Variants in CLASP1 observed in about 807,000 individuals in gnomAD.
CLASP1 encodes the protein CLIP-associating protein 1.
Under a neutral mutation model 192.3 loss-of-function variants are expected in CLASP1, and 38 were observed. That is an observed-to-expected ratio of 0.20 (90% CI 0.15 to 0.26). The LOEUF is 0.26. Among genes scored for constraint, CLASP1 ranks in the 10% least tolerant of loss-of-function variants. The pLI, the probability that CLASP1 is intolerant of heterozygous loss-of-function variation, is 1.00. For synonymous variants in CLASP1, 691 were observed against 712.8 expected (o/e 0.97, Z 0.49); for missense variants, 1,433 against 1,932.5 (o/e 0.74, Z 4.85).
intron 14 of CLASP1, among the ~76,000 whole-genome samples, chr2:121,452,804 C>T (rs899355265): frequency 6.6e-6 from 1 of 152,116 alleles, no homozygotes; most frequent in Non-Finnish European, 1.5e-5. Context: ...AACAAACAAA[C>T]AAACAAACAA....
intron 2 of CLASP1, among the ~76,000 whole-genome samples, chr2:121,594,053 C>T (rs965754794): frequency 2.6e-5 from 4 of 151,922 alleles, no homozygotes; most frequent in African/African-American, 9.7e-5. Flanking sequence ...AATCCCAACA[C>T]TTTGGGAGGC....
chr2:121,623,368 T>C (rs2067720499), intron 1 of CLASP1, among the ~76,000 whole-genome samples: 1 of 152,238 alleles, frequency 6.6e-6, no homozygotes, highest in African/African-American at 2.4e-5. Context: ...AACTTTGCAT[T>C]CCTGGGATAA....
At chr2:121,513,569 C>T (rs947309842) in intron 7 of CLASP1, among the ~76,000 whole-genome samples, 1 of 152,156 alleles carries the variant, frequency 6.6e-6, no homozygotes, top group African/African-American at 2.4e-5. Context: ...TGGGGATCTC[C>T]AGGACCACCC....
At chr2:121,401,454 AG>A (rs2076146159) in intron 28 of CLASP1, 54 bp downstream of exon 29, 1 of 1,420,726 alleles carries the variant, frequency 7.0e-7, no homozygotes, top group African/African-American at 1.4e-5. Context: ...AATGGCAAAA[AG>A]TCACTTACAA....
intron 24 of CLASP1, chr2:121,407,981 C>A (rs2149494174): frequency 1.3e-5 from 7 of 544,018 alleles, no homozygotes; most frequent in South Asian, 1.0e-4. Context: ...ACAGACAGAT[C>A]ACAACCTTGG....
intron 34 of CLASP1, among the ~76,000 whole-genome samples, chr2:121,372,420 A>C (rs1362534395): frequency 6.6e-6 from 1 of 152,208 alleles, no homozygotes; most frequent in Admixed American, 6.5e-5. Flanking sequence ...TCAAGCAACT[A>C]ATCAATATCT....
At chr2:121,583,251 T>C (rs903920493) in intron 2 of CLASP1, among the ~76,000 whole-genome samples, 2 of 152,320 alleles carry the variant, frequency 1.3e-5, no homozygotes, top group Admixed American at 1.3e-4. Flanking sequence ...AATCTAAGAC[T>C]TGTTTTATTT....
At chr2:121,534,024 T>A (rs2094970501) in intron 2 of CLASP1, among the ~76,000 whole-genome samples, 1 of 152,218 alleles carries the variant, frequency 6.6e-6, no homozygotes, top group Non-Finnish European at 1.5e-5. Context: ...TAAAAAATGC[T>A]GGACATAAAA....
intron 2 of CLASP1, among the ~76,000 whole-genome samples, chr2:121,555,988 CTTTTTTTTTTTTTTTTTTTT>C (rs34423741): frequency 4.7e-5 from 2 of 42,394 alleles, no homozygotes; most frequent in South Asian, 1.2e-3. Flanking sequence ...CTACCCACCG[CTTTTTTTTTTTTTTTTTTTT>C]TTTTTTTTTT....
At chr2:121,549,894 T>C (rs1338911501) in intron 2 of CLASP1, among the ~76,000 whole-genome samples, 1 of 150,430 alleles carries the variant, frequency 6.6e-6, no homozygotes, top group Non-Finnish European at 1.5e-5. Context: ...TAGTCCCAGC[T>C]ACTCAGGAGG....
chr2:121,581,464 C>T (rs1323408372), intron 2 of CLASP1, among the ~76,000 whole-genome samples: 1 of 151,364 alleles, frequency 6.6e-6, no homozygotes, highest in East Asian at 1.9e-4. Context: ...TTAGTAGAGA[C>T]GGGGTTTCAC....
chr2:121,564,724 A>T (rs2059365817), intron 2 of CLASP1, among the ~76,000 whole-genome samples: 1 of 152,250 alleles, frequency 6.6e-6, no homozygotes, highest in Non-Finnish European at 1.5e-5. Context: ...AACTCAGAGA[A>T]GTGAGGCATT....
chr2:121,500,413 GAAAAA>G (rs1306285861), intron 8 of CLASP1, among the ~76,000 whole-genome samples: 1 of 132,568 alleles, frequency 7.5e-6, no homozygotes, highest in African/African-American at 2.8e-5. Context: ...AAGAAAGAAA[GAAAAA>G]AAAGAAAAGA....
intron 37 of CLASP1, among the ~76,000 whole-genome samples, chr2:121,360,657 C>T (rs2149219697): frequency 6.7e-6 from 1 of 149,278 alleles, no homozygotes; most frequent in Middle Eastern, 3.5e-3. Flanking sequence ...CCTAAATACA[C>T]AGGTTCTTGA....
intron 2 of CLASP1, chr2:121,531,123 A>G (rs2094841030): frequency 1.6e-6 from 1 of 628,368 alleles, no homozygotes; most frequent in South Asian, 1.7e-5. Flanking sequence ...TAGTGTCGCA[A>G]GTAAAGTTCT....
chr2:121,440,703 A>G (rs923552519), intron 19 of CLASP1, among the ~76,000 whole-genome samples: 2 of 152,216 alleles, frequency 1.3e-5, no homozygotes, highest in African/African-American at 4.8e-5. Flanking sequence ...AATACAATAA[A>G]TAAAAATAAA....
At chr2:121,566,171 C>T (rs746409574) in intron 2 of CLASP1, among the ~76,000 whole-genome samples, 6 of 152,192 alleles carry the variant, frequency 3.9e-5, no homozygotes, top group Non-Finnish European at 7.3e-5. Flanking sequence ...TCTCAAAGTC[C>T]TCCCACAAGA....
chr2:121,573,240 G>A (rs1178878812), intron 2 of CLASP1, among the ~76,000 whole-genome samples: 3 of 152,204 alleles, frequency 2.0e-5, no homozygotes, highest in Admixed American at 6.5e-5. Flanking sequence ...GATTACAGGC[G>A]TGAGCCACCG....
intron 2 of CLASP1, chr2:121,530,601 G>A (rs930331673): frequency 3.7e-6 from 2 of 537,226 alleles, no homozygotes; most frequent in Admixed American, 3.2e-5. Context: ...TGGAGTTCAA[G>A]AGCGCGCCGC....
Sources: allele counts gnomAD v4.1 joint callset (sites outside exome capture counted in the v4.1 genomes callset), GRCh38; gene constraint gnomAD v4.1.1; transcripts MANE v1.5; gene names NCBI Gene and HGNC (gene_info 2026-07-23, HGNC 2026-07-21).